The following PARN variants were observed in gnomAD, a reference collection of about 807,000 sequenced individuals.
The protein encoded by PARN is poly(A)-specific ribonuclease PARN.
PARN carries 71 observed loss-of-function variants against 102.8 expected under a neutral mutation model. That is an observed-to-expected ratio of 0.69 (90% CI 0.57 to 0.84). The LOEUF (loss-of-function observed/expected upper bound fraction) is 0.84, where lower values mean the gene tolerates loss of function less well. Among genes scored for constraint, PARN ranks in the 40% least tolerant of loss-of-function variants. The pLI, the probability that PARN is intolerant of heterozygous loss-of-function variation, is 0.00. For missense variants in PARN, 782 were observed against 760.9 expected, an observed-to-expected ratio of 1.03 and a Z score of -0.33; for synonymous variants, 261 against 252.9, an observed-to-expected ratio of 1.03 and a Z score of -0.30.
chr16:14,570,541 T>C (rs1240606301), intron 18 of PARN, among the ~76,000 whole-genome samples: 1 of 149,794 alleles, frequency 6.7e-6, no homozygotes, highest in East Asian at 2.0e-4. Flanking sequence ...TCTCAGCTAC[T>C]CAAGAGGCTG....
At chr16:14,594,810 T>C (rs760438379) in intron 12 of PARN, among the ~76,000 whole-genome samples, 1 of 152,224 alleles carries the variant, frequency 6.6e-6, no homozygotes, top group South Asian at 2.1e-4. Flanking sequence ...ACATTAATTA[T>C]CTGAAATAAT....
intron 21 of PARN, among the ~76,000 whole-genome samples, chr16:14,491,930 C>G (rs562979157): frequency 9.9e-5 from 15 of 152,172 alleles, no homozygotes; most frequent in Admixed American, 7.9e-4. Context: ...CATGTTGAAG[C>G]CTGGTATGTG....
At chr16:14,515,902 T>A (rs183143986) in intron 21 of PARN, among the ~76,000 whole-genome samples, 18 of 152,018 alleles carry the variant, frequency 1.2e-4, no homozygotes, top group Non-Finnish European at 2.1e-4. Context: ...ATAGCACCAA[T>A]GCACTCCAGC....
rs556549352 is a variant in PARN, at chr16:14,550,477, G to C, written c.1480+1544C>G. ...TCCATACTATTATGCGCAGTTTACA[G>C]AGATAAGCAGAAGTTCATCAAGGTT... On this transcript the variant is annotated intron_variant, in intron 21 of 23. Transcript: ENST00000437198. Among the ~76,000 whole-genome samples the C allele has an allele frequency of 3.4e-4, 52 of 152,144 alleles. 1 individual carries two copies. The highest frequency in any genetic ancestry group is 5.1e-4 in the Non-Finnish European group (35 of 68,036).
rs542555012 is a variant in PARN at position 14,464,057 on chromosome 16, G to A, written c.1671-16976C>T. ...AGGGTTTTGCCATATTGCCCAGGCA[G>A]GTCGTGAACTCTTAGGTTCAAGAGA... is the stretch of plus-strand genomic sequence containing the variant. On this transcript the variant is annotated intron_variant, in intron 22 of 23. Coordinates refer to ENST00000437198, the MANE Select transcript of PARN (RefSeq NM_002582.4). 3.9e-5 allele frequency among the ~76,000 whole-genome samples: 6 copies of A among 152,236 alleles called. No individual in the cohort carries two copies. In the East Asian group the frequency reaches 1.2e-3, roughly 29 times the overall value.
chr16:14,501,134 T>C (rs1347122099), intron 21 of PARN, among the ~76,000 whole-genome samples: 2 of 151,806 alleles, frequency 1.3e-5, no homozygotes, highest in African/African-American at 4.8e-5. Context: ...TTACATAGTA[T>C]ATAAATGAGA....
intron 22 of PARN, among the ~76,000 whole-genome samples, chr16:14,449,540 C>A (rs1043984919): frequency 1.3e-5 from 2 of 151,978 alleles, no homozygotes; most frequent in Non-Finnish European, 2.9e-5. Context: ...TTTTGCAGGG[C>A]AATAAATAAC....
chr16:14,499,915 T>C (rs984670939), intron 21 of PARN, among the ~76,000 whole-genome samples: 2 of 152,264 alleles, frequency 1.3e-5, no homozygotes, highest in Non-Finnish European at 2.9e-5. Flanking sequence ...CAAAGTATTT[T>C]TGAATATTTT....
intron 12 of PARN, among the ~76,000 whole-genome samples, chr16:14,596,637 G>C (rs1970530868): frequency 6.6e-6 from 1 of 152,008 alleles, no homozygotes; most frequent in Admixed American, 6.6e-5. Flanking sequence ...CAGCTGCTCA[G>C]GAGGCTAAGG....
At chr16:14,487,871 C>T (rs1245102357) in intron 21 of PARN, among the ~76,000 whole-genome samples, 7 of 152,118 alleles carry the variant, frequency 4.6e-5, no homozygotes, top group East Asian at 1.9e-4. Flanking sequence ...ACACCAAAGA[C>T]GGTCACTTTA....
intron 22 of PARN, among the ~76,000 whole-genome samples, chr16:14,451,540 T>C (rs1468577057): frequency 6.6e-6 from 1 of 152,060 alleles, no homozygotes; most frequent in Non-Finnish European, 1.5e-5. Flanking sequence ...AGGGTGGGTA[T>C]TTTATAAACC....
intron 2 of PARN, among the ~76,000 whole-genome samples, chr16:14,629,364 A>C (rs1413303765): frequency 6.6e-6 from 1 of 152,254 alleles, no homozygotes; most frequent in Non-Finnish European, 1.5e-5. Context: ...AAGCAGCATC[A>C]AAACCATCAT....
intron 21 of PARN, among the ~76,000 whole-genome samples, chr16:14,538,443 C>T (rs938887645): frequency 1.2e-4 from 18 of 152,044 alleles, no homozygotes; most frequent in African/African-American, 3.9e-4. Flanking sequence ...TGGTCTCAAA[C>T]TCCTGGCATC....
intron 22 of PARN, among the ~76,000 whole-genome samples, chr16:14,453,373 C>T (rs1025526612): frequency 6.6e-6 from 1 of 152,168 alleles, no homozygotes; most frequent in Non-Finnish European, 1.5e-5. Context: ...TATTTTCAAA[C>T]CCCTACAAAT....
intron 21 of PARN, among the ~76,000 whole-genome samples, chr16:14,516,516 G>A (rs1040648691): frequency 1.3e-5 from 2 of 152,160 alleles, no homozygotes; most frequent in Non-Finnish European, 2.9e-5. Context: ...AAAAAAGTCA[G>A]ATTGCCATCA....
chr16:14,468,558 A>T (rs1399785434), intron 22 of PARN, among the ~76,000 whole-genome samples: 1 of 152,168 alleles, frequency 6.6e-6, no homozygotes, highest in Admixed American at 6.5e-5. Flanking sequence ...GTGTTCCAGC[A>T]GCCTTGCTGA....
At chr16:14,549,156 CA>C (rs1019875459) in intron 21 of PARN, among the ~76,000 whole-genome samples, 2 of 152,114 alleles carry the variant, frequency 1.3e-5, no homozygotes, top group Non-Finnish European at 2.9e-5. Flanking sequence ...ACAGCATGCT[CA>C]AATTGCCAAG....
intron 21 of PARN, among the ~76,000 whole-genome samples, chr16:14,506,881 G>A (rs1485333977): frequency 2.6e-5 from 4 of 151,708 alleles, no homozygotes; most frequent in East Asian, 1.9e-4. Context: ...AATGCATGAG[G>A]TCTAACTCCA....
intron 11 of PARN, among the ~76,000 whole-genome samples, chr16:14,602,837 C>A (rs1350499073): frequency 6.6e-6 from 1 of 152,052 alleles, no homozygotes; most frequent in African/African-American, 2.4e-5. Context: ...AAGAGAGCTG[C>A]AGAGTATCAA....
Sources: allele counts gnomAD v4.1 joint callset (sites outside exome capture counted in the v4.1 genomes callset), GRCh38; gene constraint gnomAD v4.1.1; transcripts MANE v1.5; gene names NCBI Gene and HGNC (gene_info 2026-07-23, HGNC 2026-07-21).